CA10: variants seen among roughly 807,000 people sequenced by gnomAD.
CA10 encodes carbonic anhydrase-related protein 10.
A neutral mutation model predicts 44.2 loss-of-function variants in CA10; 14 were observed. That is an observed-to-expected ratio of 0.32 (90% CI 0.21 to 0.50). CA10 has a LOEUF of 0.50. Ranked by LOEUF, CA10 falls within the 20% of genes least tolerant of loss-of-function variation. CA10 has a pLI of 0.99. For missense variants in CA10, 350 were observed against 409.7 expected (o/e 0.85, Z 1.26); for synonymous variants, 159 against 141.6 (o/e 1.12, Z -0.87).
intron 3 of CA10, among the ~76,000 whole-genome samples, chr17:51,845,786 T>C (rs1978468647): frequency 6.6e-6 from 1 of 152,350 alleles, no homozygotes; most frequent in Middle Eastern, 3.4e-3. Flanking sequence ...AGGCCCATCA[T>C]CTCTGATATG....
rs545507600 is a variant in CA10, at chr17:51,644,220, C to T, written c.634+4962G>A. On this transcript the variant is annotated intron_variant, in intron 6 of 8. Coordinates refer to ENST00000451037, the MANE Select transcript of CA10 (RefSeq NM_020178.5). ...TCATTCTGTGCCCAATCCTACAAACCGGGCAAATGGACTGTGTCTCTTCCA... is the reference window on the plus strand; with the variant it reads ...TCATTCTGTGCCCAATCCTACAAACTGGGCAAATGGACTGTGTCTCTTCCA... 7.0e-4 allele frequency among the ~76,000 whole-genome samples: 106 copies of T among 151,908 alleles called. 2 individuals carry two copies. Among genetic ancestry groups the T allele is most frequent in the Non-Finnish European group, 1.5e-4 (10 of 67,956 alleles).
At chr17:52,038,467 T>C (rs1051469858) in intron 2 of CA10, among the ~76,000 whole-genome samples, 10 of 152,286 alleles carry the variant, frequency 6.6e-5, no homozygotes, top group African/African-American at 2.2e-4. Context: ...TGATACCATG[T>C]TGCTTTTTGG....
At chr17:51,927,755 G>A (rs1406269872) in intron 3 of CA10, among the ~76,000 whole-genome samples, 1 of 152,090 alleles carries the variant, frequency 6.6e-6, no homozygotes, top group Non-Finnish European at 1.5e-5. Flanking sequence ...CAGTCAGTGA[G>A]GCTTAACTCA....
intron 1 of CA10, among the ~76,000 whole-genome samples, chr17:52,111,844 T>G (rs1988794289): frequency 6.6e-6 from 1 of 152,186 alleles, no homozygotes; most frequent in Non-Finnish European, 1.5e-5. Context: ...TTCAGGTGAC[T>G]AGGGACAAAT....
intron 1 of CA10, among the ~76,000 whole-genome samples, chr17:52,129,140 T>G (rs1989179271): frequency 6.6e-6 from 1 of 152,184 alleles, no homozygotes; most frequent in Non-Finnish European, 1.5e-5. Flanking sequence ...CTGAAAGCCA[T>G]AGTCCATGTT....
intron 2 of CA10, among the ~76,000 whole-genome samples, chr17:51,977,789 A>G (rs1021188277): frequency 7.9e-5 from 12 of 152,158 alleles, no homozygotes; most frequent in Admixed American, 2.0e-4. Flanking sequence ...GTTCTAAGAA[A>G]TCCGCAGAAG....
chr17:51,666,889 C>T (rs1487397494), intron 4 of CA10, among the ~76,000 whole-genome samples: 1 of 152,106 alleles, frequency 6.6e-6, no homozygotes, highest in Non-Finnish European at 1.5e-5. Flanking sequence ...CTAATGAGCA[C>T]AAAACAACTT....
At chr17:52,043,321 T>C (rs1986822690) in intron 2 of CA10, among the ~76,000 whole-genome samples, 1 of 152,116 alleles carries the variant, frequency 6.6e-6, no homozygotes, top group African/African-American at 2.4e-5. Flanking sequence ...TATTTTATTC[T>C]TTTTGGTGCT....
At chr17:51,848,978 C>T (rs577761311) in intron 3 of CA10, among the ~76,000 whole-genome samples, 29 of 151,284 alleles carry the variant, frequency 1.9e-4, no homozygotes, top group Non-Finnish European at 3.4e-4. Flanking sequence ...CCCAGGAGGC[C>T]GAGGATGCAG....
At chr17:51,856,296 C>T (rs1442032557) in intron 3 of CA10, among the ~76,000 whole-genome samples, 3 of 152,076 alleles carry the variant, frequency 2.0e-5, no homozygotes, top group East Asian at 3.9e-4. Flanking sequence ...GTTTGTTTCC[C>T]GATGTTAATT....
intron 4 of CA10, among the ~76,000 whole-genome samples, chr17:51,695,209 TA>T (rs1597990914): frequency 6.6e-6 from 1 of 152,344 alleles, no homozygotes; most frequent in East Asian, 1.9e-4. Context: ...GGTAGCTTGA[TA>T]AGAATAGCAT....
chr17:51,852,289 G>A (rs1978831823), intron 3 of CA10, among the ~76,000 whole-genome samples: 1 of 152,214 alleles, frequency 6.6e-6, no homozygotes, highest in Non-Finnish European at 1.5e-5. Context: ...TCAGAGGCGA[G>A]GAGATTGGGC....
chr17:51,978,382 ATGTGTGTGTGTG>A (rs56108471), intron 2 of CA10, among the ~76,000 whole-genome samples: 6 of 142,008 alleles, frequency 4.2e-5, no homozygotes, highest in African/African-American at 7.7e-5. Context: ...GTGTGTCTGT[ATGTGTGTGTGTG>A]TGTGTGTGTG....
At chr17:51,688,912 G>T (rs116864507) in intron 4 of CA10, among the ~76,000 whole-genome samples, 1 of 152,274 alleles carries the variant, frequency 6.6e-6, no homozygotes, top group East Asian at 1.9e-4. Context: ...TACAGGCCAG[G>T]TGTTGTCCTA....
intron 4 of CA10, among the ~76,000 whole-genome samples, chr17:51,714,962 G>T (rs912758300): frequency 6.6e-6 from 1 of 152,164 alleles, no homozygotes; most frequent in Non-Finnish European, 1.5e-5. Context: ...AAGAATTCTA[G>T]CTTTTCAATA....
At position 52,093,530 on chromosome 17, in the gene CA10, T is replaced by C. The variant is rs541889336; in HGVS notation, c.62-21137A>G. On this transcript the variant is annotated intron_variant, in intron 1 of 8. Coordinates refer to ENST00000451037, the MANE Select transcript of CA10 (RefSeq NM_020178.5). ...TGTTCACCTATTTAGCAATTTATCC[T>C]TTGCTTCCCTGTGGGGTTTTTAATC... Among the ~76,000 whole-genome samples the C allele has an allele frequency of 3.9e-5, 6 of 152,316 alleles. No individual in the cohort carries two copies. In the South Asian group the frequency reaches 1.0e-3, roughly 26 times the overall value.
At chr17:51,975,366 CTG>C (rs1984425007) in intron 2 of CA10, among the ~76,000 whole-genome samples, 2 of 152,290 alleles carry the variant, frequency 1.3e-5, no homozygotes, top group African/African-American at 4.8e-5. Flanking sequence ...AAGGCAAAGA[CTG>C]TCAGATTATA....
intron 3 of CA10, among the ~76,000 whole-genome samples, chr17:51,750,110 C>T (rs1013271405): frequency 2.0e-5 from 3 of 152,152 alleles, no homozygotes; most frequent in East Asian, 1.9e-4. Flanking sequence ...TTGTGTTAGA[C>T]GTGACTTCCA....
chr17:52,051,039 AAAGG>A (rs1314307106), intron 2 of CA10, among the ~76,000 whole-genome samples: 1 of 149,714 alleles, frequency 6.7e-6, no homozygotes, highest in Non-Finnish European at 1.5e-5. Context: ...GAAGGGAAGG[AAAGG>A]AAGGAGGGAG....
Sources: gnomAD v4.1 joint callset for allele counts (sites outside exome capture counted in the v4.1 genomes callset) on GRCh38, gnomAD v4.1.1 for gene constraint, MANE v1.5 for transcripts, NCBI Gene and HGNC (gene_info 2026-07-23, HGNC 2026-07-21) for gene names.